Variants in CACHD1 observed in about 807,000 individuals in gnomAD.
CACHD1 encodes the protein cache domain containing 1, also known as VWFA and cache domain-containing protein 1.
A neutral mutation model predicts 138.7 loss-of-function variants in CACHD1; 71 were observed. The observed-to-expected ratio is 0.51, with a 90% CI of 0.42 to 0.62. The LOEUF (loss-of-function observed/expected upper bound fraction) is 0.62, where lower values mean the gene tolerates loss of function less well. Ranked by LOEUF, CACHD1 falls within the 20% of genes least tolerant of loss-of-function variation. CACHD1 has a pLI of 0.00. For missense variants in CACHD1, 1,389 were observed against 1,625.3 expected (o/e 0.85, Z 2.50); for synonymous variants, 578 against 591.5 (o/e 0.98, Z 0.33).
chr1:64,525,843 A>G (rs1370973399), intron 1 of CACHD1, among the ~76,000 whole-genome samples: 1 of 152,208 alleles, frequency 6.6e-6, no homozygotes, highest in Non-Finnish European at 1.5e-5. Context: ...CACTGCCTAC[A>G]CAATTTTCAT....
chr1:64,614,711 C>T (rs894297429), intron 4 of CACHD1, among the ~76,000 whole-genome samples: 1 of 152,156 alleles, frequency 6.6e-6, no homozygotes, highest in Non-Finnish European at 1.5e-5. Context: ...TGACATAGGT[C>T]TCATTGTCCT....
intron 1 of CACHD1, among the ~76,000 whole-genome samples, chr1:64,550,308 G>A (rs1419488995): frequency 2.0e-5 from 3 of 152,076 alleles, no homozygotes; most frequent in Non-Finnish European, 2.9e-5. Flanking sequence ...TATACTAGTC[G>A]GATAAAATGG....
chr1:64,571,792 G>A (rs1238256805), intron 2 of CACHD1, among the ~76,000 whole-genome samples: 1 of 152,164 alleles, frequency 6.6e-6, no homozygotes, highest in African/African-American at 2.4e-5. Flanking sequence ...CTGAGTTTCT[G>A]CATAGTGTGC....
chr1:64,675,541 A>C lies in CACHD1; in HGVS notation c.2868A>C (p.Arg956=). The C allele has an allele frequency of 1.9e-6, 3 of 1,610,260 alleles. No homozygotes were observed. Among genetic ancestry groups the C allele is most frequent in the South Asian group, 1.1e-5 (1 of 90,886 alleles). ...TCTGTGCCTGCAGCATGGTGGACCG[A>C]CTCTGTCTCAACTGTCACCGGTAAA... is the stretch of plus-strand genomic sequence containing the variant. The part of the protein sequence containing the change: ...LAFCACSMVD[R]LCLNCHRMEQ... The change falls in exon 20 of 27, where the codon CGA becomes CGC. Residue 956 remains arginine, a synonymous_variant. Coordinates refer to ENST00000651257, the MANE Select transcript of CACHD1 (RefSeq NM_020925.4).
At chr1:64,667,568 G>A (rs1000333817) in intron 16 of CACHD1, among the ~76,000 whole-genome samples, 6 of 152,168 alleles carry the variant, frequency 3.9e-5, no homozygotes, top group Non-Finnish European at 8.8e-5. Flanking sequence ...CTCATTAACA[G>A]ACCATGTGTG....
chr1:64,570,462 CACTG>C (rs1457056645), intron 2 of CACHD1, among the ~76,000 whole-genome samples: 1 of 152,138 alleles, frequency 6.6e-6, no homozygotes, highest in Non-Finnish European at 1.5e-5. Flanking sequence ...GAGGAAGTGT[CACTG>C]TCACATCCGC....
At chr1:64,638,748 C>G (rs770023460) in intron 7 of CACHD1, among the ~76,000 whole-genome samples, 2 of 152,102 alleles carry the variant, frequency 1.3e-5, no homozygotes, top group Non-Finnish European at 2.9e-5. Flanking sequence ...CAGTTACATG[C>G]TGCATCTCTG....
chr1:64,567,099 A>T (rs1171186659), intron 2 of CACHD1, among the ~76,000 whole-genome samples: 1 of 152,126 alleles, frequency 6.6e-6, no homozygotes, highest in Non-Finnish European at 1.5e-5. Flanking sequence ...CTAGATTATG[A>T]TCTCTTTGAG....
At chr1:64,509,279 G>A (rs1021989866) in intron 1 of CACHD1, among the ~76,000 whole-genome samples, 6 of 152,148 alleles carry the variant, frequency 3.9e-5, no homozygotes, top group Non-Finnish European at 8.8e-5. Context: ...CTTGTAGCAA[G>A]TGTGGAGTTT....
At chr1:64,660,198 C>G (rs1649395912) in intron 13 of CACHD1, among the ~76,000 whole-genome samples, 1 of 152,208 alleles carries the variant, frequency 6.6e-6, no homozygotes, top group African/African-American at 2.4e-5. Context: ...GAGCAAGCTA[C>G]TGCTGGTGAA....
At chr1:64,504,314 G>A (rs1212997092) in intron 1 of CACHD1, among the ~76,000 whole-genome samples, 1 of 152,184 alleles carries the variant, frequency 6.6e-6, no homozygotes, top group East Asian at 1.9e-4. Flanking sequence ...ACAGGCATGA[G>A]CCACTGCACC....
chr1:64,538,580 G>A (rs933422789), intron 1 of CACHD1, among the ~76,000 whole-genome samples: 5 of 152,126 alleles, frequency 3.3e-5, no homozygotes, highest in African/African-American at 1.2e-4. Context: ...AGCCTAGGGA[G>A]GAGGCTAAAT....
chr1:64,666,094 T>C lies in CACHD1; in HGVS notation c.2314T>C (p.Leu772=), dbSNP rs1649623456. ...HAVANPGLIS[L]TGPYLDVGGA... ...AGTAGCTAATCCAGGGTTGATTTCT[T>C]TGACTGGTCCTTACTTAGATGTTGG... Residue 772 remains leucine, a synonymous_variant, in exon 16 of 27, where the codon TTG becomes CTG. Transcript: ENST00000651257. 1 of 1,612,888 alleles carries C rather than the reference T, an allele frequency of 6.2e-7. No homozygotes were observed. The highest frequency in any genetic ancestry group is 1.3e-5 in the African/African-American group (1 of 74,902).
chr1:64,661,513 G>A (rs1354258143), intron 13 of CACHD1, among the ~76,000 whole-genome samples: 1 of 152,058 alleles, frequency 6.6e-6, no homozygotes, highest in African/African-American at 2.4e-5. Context: ...CAGCCCCGTG[G>A]TGACTCTTCT....
At chr1:64,495,497 C>G (rs943292987) in intron 1 of CACHD1, among the ~76,000 whole-genome samples, 4 of 152,130 alleles carry the variant, frequency 2.6e-5, no homozygotes, top group African/African-American at 9.7e-5. Flanking sequence ...ACTAAGTTCT[C>G]CCTTATCTTC....
chr1:64,600,239 ACCAGTGCTCATGCAGAAAG>A (rs1261081733), intron 3 of CACHD1, among the ~76,000 whole-genome samples: 2 of 152,176 alleles, frequency 1.3e-5, no homozygotes, highest in Non-Finnish European at 2.9e-5. Context: ...ACAGGGAAGT[ACCAGTGCTCATGCAGAAAG>A]CCATTACTTT....
chr1:64,666,740 A>G (rs1005168476), intron 16 of CACHD1, among the ~76,000 whole-genome samples: 1 of 148,480 alleles, frequency 6.7e-6, no homozygotes, highest in African/African-American at 2.5e-5. Flanking sequence ...ATCAGGCATG[A>G]TGGGGCACAC....
intron 1 of CACHD1, among the ~76,000 whole-genome samples, chr1:64,514,877 A>G (rs561710851): frequency 6.6e-6 from 1 of 152,330 alleles, no homozygotes; most frequent in East Asian, 1.9e-4. Context: ...ATTTGTTTTT[A>G]GTAATTACAA....
chr1:64,653,160 A>G (rs376408016), intron 10 of CACHD1, among the ~76,000 whole-genome samples: 1 of 152,164 alleles, frequency 6.6e-6, no homozygotes, highest in African/African-American at 2.4e-5. Flanking sequence ...GTTCTCACTT[A>G]TAAGTGGGAG....
Sources: gnomAD v4.1 joint callset for allele counts (sites outside exome capture counted in the v4.1 genomes callset) on GRCh38, gnomAD v4.1.1 for gene constraint, MANE v1.5 for transcripts, NCBI Gene and HGNC (gene_info 2026-07-23, HGNC 2026-07-21) for gene names.